Variants in THSD7A observed in about 807,000 individuals in gnomAD.
THSD7A encodes thrombospondin type-1 domain-containing protein 7A.
A neutral mutation model predicts 231.3 loss-of-function variants in THSD7A; 96 were observed. The observed-to-expected ratio is 0.41, with a 90% CI of 0.35 to 0.49. The LOEUF (loss-of-function observed/expected upper bound fraction) is 0.49, where lower values mean the gene tolerates loss of function less well. THSD7A is among the 20% of genes least tolerant of loss of function. The pLI is 0.05. For synonymous variants in THSD7A, 940 were observed against 743.3 expected, an observed-to-expected ratio of 1.26 and a Z score of -4.30; for missense variants, 2,290 against 2,070.2, an observed-to-expected ratio of 1.11 and a Z score of -2.06.
At chr7:11,413,387 C>T (rs995043548) in intron 17 of THSD7A, among the ~76,000 whole-genome samples, 4 of 151,982 alleles carry the variant, frequency 2.6e-5, no homozygotes, top group Non-Finnish European at 4.4e-5. Flanking sequence ...ACTGAGTTCT[C>T]GGCCTTTAGG....
intron 2 of THSD7A, among the ~76,000 whole-genome samples, chr7:11,604,029 A>T (rs75171736): frequency 1.4e-5 from 2 of 140,310 alleles, no homozygotes; most frequent in South Asian, 2.2e-4. Flanking sequence ...AAAGTATAAT[A>T]AAAAAAAAAT....
intron 4 of THSD7A, among the ~76,000 whole-genome samples, chr7:11,554,205 G>A (rs923369759): frequency 1.3e-5 from 2 of 151,984 alleles, no homozygotes; most frequent in Non-Finnish European, 2.9e-5. Flanking sequence ...TAAGGCCTTT[G>A]CAAACGTAAT....
chr7:11,439,066 T>C (rs1784722419), intron 13 of THSD7A, among the ~76,000 whole-genome samples: 1 of 152,032 alleles, frequency 6.6e-6, no homozygotes, highest in African/African-American at 2.4e-5. Flanking sequence ...AATCATTTTT[T>C]TCATTAAAGT....
rs1583622014 is a variant in THSD7A at position 11,372,660 on chromosome 7, T to A, written c.*3134A>T. 1 of 152,210 alleles carries A rather than the reference T, an allele frequency of 6.6e-6. No individual in the cohort carries two copies. The highest frequency in any genetic ancestry group is 2.1e-4 in the South Asian group (1 of 4,822). The allele number at this position is 152,210 out of a possible 1,614,324, so 9.4% of individuals were successfully genotyped here. A position where few individuals can be genotyped will look rare whatever the true frequency, so the allele number is the denominator to read the frequency against. On this transcript the variant is annotated 3_prime_UTR_variant, in exon 28 of 28. Coordinates refer to ENST00000423059, the MANE Select transcript of THSD7A (RefSeq NM_015204.3). ...TGTCAAACTTTTTCTGCTCTTCTTT[T>A]TTTAAAAACCAAACAACAGACCTTC...
intron 6 of THSD7A, among the ~76,000 whole-genome samples, chr7:11,523,629 A>G (rs1788356412): frequency 2.0e-5 from 3 of 152,100 alleles, no homozygotes; most frequent in Admixed American, 2.0e-4. Context: ...GAATGGCTTT[A>G]CTAAATAGTA....
chr7:11,569,641 C>A (rs960348704), intron 4 of THSD7A, among the ~76,000 whole-genome samples: 2 of 152,124 alleles, frequency 1.3e-5, no homozygotes, highest in African/African-American at 4.8e-5. Context: ...CAAACAACTA[C>A]CATACAATCT....
In THSD7A at chr7:11,656,864, T is replaced by C. The variant is rs141247975; in HGVS notation, c.191-19903A>G. On this transcript the variant is annotated intron_variant, in intron 1 of 27. Transcript: ENST00000423059. ...TGTTATTGTAAGAAAAATCAAATTGTTTTTAATATAGAAAAACAAAGGACA... is the reference window on the plus strand; with the variant it reads ...TGTTATTGTAAGAAAAATCAAATTGCTTTTAATATAGAAAAACAAAGGACA... Among the ~76,000 whole-genome samples, 640 of 151,988 alleles carry C rather than the reference T, an allele frequency of 4.2e-3. 3 individuals are homozygous for C. The highest frequency in any genetic ancestry group is 0.015 in the African/African-American group (607 of 41,514).
chr7:11,720,052 C>A (rs773197763), intron 1 of THSD7A, among the ~76,000 whole-genome samples: 1 of 151,666 alleles, frequency 6.6e-6, no homozygotes, highest in African/African-American at 2.4e-5. Flanking sequence ...GGCATGACTG[C>A]AAATAAGCAT....
At chr7:11,598,398 G>T (rs963582347) in intron 2 of THSD7A, among the ~76,000 whole-genome samples, 1 of 152,156 alleles carries the variant, frequency 6.6e-6, no homozygotes, top group African/African-American at 2.4e-5. Context: ...CTGTTCTGTG[G>T]ACACCATTCA....
At chr7:11,448,174 A>T (rs1396109149) in intron 11 of THSD7A, among the ~76,000 whole-genome samples, 5 of 152,162 alleles carry the variant, frequency 3.3e-5, no homozygotes, top group Non-Finnish European at 5.9e-5. Context: ...ATATAAATTT[A>T]AAAAATCAAA....
At chr7:11,727,845 C>T (rs185500788) in intron 1 of THSD7A, among the ~76,000 whole-genome samples, 2 of 152,094 alleles carry the variant, frequency 1.3e-5, no homozygotes, top group East Asian at 3.9e-4. Flanking sequence ...ACCCTCTTTA[C>T]CTCATTACTG....
intron 4 of THSD7A, among the ~76,000 whole-genome samples, chr7:11,578,516 G>A (rs1053112942): frequency 3.9e-5 from 6 of 152,174 alleles, no homozygotes; most frequent in Non-Finnish European, 7.4e-5. Flanking sequence ...ATGATAGGTT[G>A]TACTAAAGAA....
At chr7:11,520,876 A>G (rs757061031) in intron 6 of THSD7A, among the ~76,000 whole-genome samples, 3 of 152,192 alleles carry the variant, frequency 2.0e-5, no homozygotes, top group Non-Finnish European at 2.9e-5. Flanking sequence ...GTTTGATGAC[A>G]GGCAAAGGTC....
chr7:11,453,279 C>G (rs1785200722), intron 11 of THSD7A, among the ~76,000 whole-genome samples: 1 of 150,850 alleles, frequency 6.6e-6, no homozygotes, highest in African/African-American at 2.4e-5. Context: ...GCACATTCCA[C>G]ATTTAGATTT....
At chr7:11,812,480 T>C (rs16877197) in intron 1 of THSD7A, among the ~76,000 whole-genome samples, 29,623 of 152,102 alleles carry the variant, frequency 0.19, 3,072 homozygotes, top group South Asian at 0.33. Flanking sequence ...CGTTATCATT[T>C]ACGTCACAAA....
intron 1 of THSD7A, among the ~76,000 whole-genome samples, chr7:11,665,044 A>T (rs1783073036): frequency 6.6e-6 from 1 of 152,108 alleles, no homozygotes; most frequent in South Asian, 2.1e-4. Flanking sequence ...GTAACACAGC[A>T]TCAAAGGCTT....
rs759010414 is a variant in THSD7A, at chr7:11,460,757, G to A, written c.2510C>T (p.Thr837Ile). 1.7e-5 allele frequency: 28 copies of A among 1,611,406 alleles called. No homozygotes were observed. Among genetic ancestry groups the A allele is most frequent in the Non-Finnish European group, 2.3e-5 (27 of 1,178,896 alleles). ...PQACQSYRWKTHKWRRCQLVP... is the reference protein window; with the variant it reads ...PQACQSYRWKIHKWRRCQLVP... ...TAATTGGCATCTGCGCCATTTGTGA[G>A]TCTTCCACCTACAAGACAGGAACAG... Residue 837 changes from threonine to isoleucine, a missense_variant, in exon 11 of 28, where the codon ACT (threonine) becomes ATT (isoleucine). Coordinates refer to ENST00000423059, the MANE Select transcript of THSD7A (RefSeq NM_015204.3).
At chr7:11,582,148 T>A (rs1018460969) in intron 4 of THSD7A, among the ~76,000 whole-genome samples, 2 of 152,026 alleles carry the variant, frequency 1.3e-5, no homozygotes, top group African/African-American at 4.8e-5. Context: ...TATTTAGTAC[T>A]TCTATTAAAT....
chr7:11,521,878 A>T (rs537651829), intron 6 of THSD7A, among the ~76,000 whole-genome samples: 1 of 152,020 alleles, frequency 6.6e-6, no homozygotes, highest in African/African-American at 2.4e-5. Context: ...AAAACAATTC[A>T]GTGTAAAAAC....
Sources: gnomAD v4.1 joint callset for allele counts (sites outside exome capture counted in the v4.1 genomes callset) on GRCh38, gnomAD v4.1.1 for gene constraint, MANE v1.5 for transcripts, NCBI Gene and HGNC (gene_info 2026-07-23, HGNC 2026-07-21) for gene names.